The following ZNF711 variants were observed in gnomAD, a reference collection of about 807,000 sequenced individuals.
The protein encoded by ZNF711 is ZFX family zinc finger ZNF711, also known as zinc finger protein 711.
ZNF711 carries 3 observed loss-of-function variants against 43.5 expected under a neutral mutation model. The observed-to-expected ratio is 0.07, with a 90% CI of 0.03 to 0.18. The LOEUF (loss-of-function observed/expected upper bound fraction) is 0.18. Among genes scored for constraint, ZNF711 ranks in the 10% least tolerant of loss-of-function variants. The pLI is 1.00. For synonymous variants in ZNF711, 209 were observed against 207.7 expected (o/e 1.01, Z -0.06); for missense variants, 412 against 604.0 (o/e 0.68, Z 3.33).
At chrX:85,268,405 G>C in intron 9 of ZNF711, 64 bp downstream of exon 9, 7 of 1,133,541 alleles carry the variant, frequency 6.2e-6, no homozygotes, top group Non-Finnish European at 8.4e-6. Flanking sequence ...TTACTGCTTG[G>C]TAAGTAACAA....
At position 85,270,206 on chromosome X, in the gene ZNF711, C is replaced by G. The variant is rs1931458710; in HGVS notation, c.1246+60C>G. On this transcript the variant is annotated intron_variant, in intron 10 of 10. Transcript: ENST00000674551. ...TGAGATGTGGAAGTATTTTTTGTCA[C>G]CAAAGAAAAATATCGATGGTTTACT... 1.1e-5 allele frequency: 12 copies of G among 1,127,362 alleles called. No homozygotes were observed. In the South Asian group the frequency reaches 1.9e-4, roughly 18 times the overall value. The allele number at this position is 1,127,362 out of a possible 1,213,427, so 92.9% of individuals were successfully genotyped here. A position where few individuals can be genotyped will look rare whatever the true frequency, so the allele number is the denominator to read the frequency against.
chrX:85,252,786 G>A (rs1929662653), intron 4 of ZNF711, among the ~76,000 whole-genome samples: 2 of 98,242 alleles, frequency 2.0e-5, no homozygotes, highest in South Asian at 8.9e-4. Flanking sequence ...TTGGGTGAGA[G>A]TTTGAGCGGT....
chrX:85,267,973 T>G (rs929564627), intron 8 of ZNF711, among the ~76,000 whole-genome samples: 1 of 111,645 alleles, frequency 9.0e-6, no homozygotes, highest in African/African-American at 3.3e-5. Flanking sequence ...TAAACTTGGT[T>G]CTTCCAAAGG....
rs1178470769 is a variant in ZNF711, at chrX:85,244,139, GGCGGCGGCA to G, written c.-449_-441del. Reference sequence around the variant, plus strand: ...GCGGCACGGAGGCGGCGGCGGCGGCGGCGGCGGCAGCGGCGGCGGCAGCGGCGGCGGCAG... The same window carrying G: ...GCGGCACGGAGGCGGCGGCGGCGGCGGCGGCGGCGGCAGCGGCGGCGGCAG... On this transcript the variant is annotated 5_prime_UTR_variant, in exon 1 of 11. Transcript: ENST00000674551. 1.4e-4 allele frequency: 19 copies of G among 137,739 alleles called. No individual in the cohort carries two copies. The highest frequency in any genetic ancestry group is 7.8e-4 in the South Asian group (3 of 3,829). The allele number at this position is 137,739 out of a possible 1,213,427, so 11.4% of individuals were successfully genotyped here. A position where few individuals can be genotyped will look rare whatever the true frequency, so the allele number is the denominator to read the frequency against.
intron 9 of ZNF711, among the ~76,000 whole-genome samples, chrX:85,268,685 G>C (rs1418693335): frequency 9.0e-6 from 1 of 111,337 alleles, no homozygotes; most frequent in African/African-American, 3.3e-5. Flanking sequence ...CCTTGTTAAT[G>C]TTCTTTTTGG....
rs769011612 is a variant in ZNF711 at position 85,265,321 on chromosome X, A to C, written c.916+66A>C. ...TCATGCATTATTTTTAAAAAATCTC[A>C]GAGATACAAGCACTGTATAGGAACA... is the stretch of plus-strand genomic sequence containing the variant. On this transcript the variant is annotated intron_variant, in intron 7 of 10. Coordinates refer to ENST00000674551, the MANE Select transcript of ZNF711 (RefSeq NM_001330574.2). The C allele has an allele frequency of 3.5e-5, 38 of 1,093,154 alleles. No homozygotes were observed. In the South Asian group the frequency reaches 6.0e-4, roughly 17 times the overall value. 90.1% of individuals were successfully genotyped at this position (1,093,154 alleles called of 1,213,427 possible). A position where few individuals can be genotyped will look rare whatever the true frequency, so the allele number is the denominator to read the frequency against.
At chrX:85,269,236 G>C (rs1931350384) in intron 9 of ZNF711, among the ~76,000 whole-genome samples, 1 of 110,757 alleles carries the variant, frequency 9.0e-6, no homozygotes, top group Non-Finnish European at 1.9e-5. Context: ...TAACTATAAT[G>C]GTTCAGTAAT....
At position 85,271,113 on chromosome X, in the gene ZNF711, T is replaced by A; in HGVS notation, c.1709T>A (p.Met570Lys). The A allele has an allele frequency of 8.3e-7, 1 of 1,210,612 alleles. No homozygotes were observed. Among genetic ancestry groups the A allele is most frequent in the Non-Finnish European group, 1.1e-6 (1 of 894,866 alleles). Reference protein sequence around the residue: ...FRHPSELKKHMRTHTGEKPYQ... With the variant: ...FRHPSELKKHKRTHTGEKPYQ... The stretch of plus-strand genomic sequence containing the variant: ...CATCCTTCTGAACTCAAGAAACATA[T>A]GAGAACCCATACTGGTGAGAAGCCA... The change falls in exon 11 of 11, where the codon ATG becomes AAG. Residue 570 changes from methionine to lysine, a missense_variant. Around this residue, in one of 4 missense-constraint regions of ZNF711, gnomAD observed 375 missense variants for 514.2 expected, o/e 0.73. Coordinates refer to ENST00000674551, the MANE Select transcript of ZNF711 (RefSeq NM_001330574.2).
Position 85,246,931 on chromosome X carries a change from A to G in ZNF711, c.-284A>G. On this transcript the variant is annotated splice_region_variant and 5_prime_UTR_variant, in exon 3 of 11. Coordinates refer to ENST00000674551, the MANE Select transcript of ZNF711 (RefSeq NM_001330574.2). Reference sequence around the variant, plus strand: ...CGATCTTATTTTTACCATATTTAGGAAGCAGTCATGTTTCATGAGTCCTCA... The same window carrying G: ...CGATCTTATTTTTACCATATTTAGGGAGCAGTCATGTTTCATGAGTCCTCA... 3.4e-6 allele frequency: 1 copy of G among 297,726 alleles called. No homozygotes were observed. Among genetic ancestry groups the G allele is most frequent in the Non-Finnish European group, 5.9e-6 (1 of 170,314 alleles). 24.5% of individuals were successfully genotyped at this position (297,726 alleles called of 1,213,427 possible). A position where few individuals can be genotyped will look rare whatever the true frequency, so the allele number is the denominator to read the frequency against.
intron 5 of ZNF711, among the ~76,000 whole-genome samples, chrX:85,258,334 A>G (rs1930354166): frequency 9.0e-6 from 1 of 110,904 alleles, no homozygotes; most frequent in African/African-American, 3.3e-5. Flanking sequence ...ATGAGGATGC[A>G]AAGCATAAGA....
intron 4 of ZNF711, among the ~76,000 whole-genome samples, chrX:85,252,502 G>A (rs1929632688): frequency 9.0e-6 from 1 of 111,703 alleles, no homozygotes; most frequent in Non-Finnish European, 1.9e-5. Flanking sequence ...TCTTTGGTTT[G>A]TGAAAAGATT....
intron 5 of ZNF711, among the ~76,000 whole-genome samples, chrX:85,258,249 A>T (rs183540095): frequency 6.3e-5 from 7 of 111,678 alleles, no homozygotes; most frequent in Admixed American, 5.7e-4. Flanking sequence ...GGAATTGGAG[A>T]CTGTTATTCT....
intron 4 of ZNF711, among the ~76,000 whole-genome samples, chrX:85,251,331 C>T (rs1021883321): frequency 1.8e-5 from 2 of 111,810 alleles, no homozygotes; most frequent in African/African-American, 3.2e-5. Flanking sequence ...AATAACCTTG[C>T]TGGTGTCTCA....
Position 85,271,429 on chromosome X carries a change from T to C in ZNF711, c.2025T>C (p.His675=), listed in dbSNP as rs1346319015. Residue 675 remains histidine (H), a synonymous_variant, in exon 11 of 11, where the codon CAT becomes CAC. Transcript: ENST00000674551. ...GTGAGGTCTGTGATAAAGGTTTTCA[T>C]CGTCCTTCTGAGCTCAAAAAGCATA... The part of the protein sequence containing the change: ...HKCEVCDKGF[H]RPSELKKHSD... 8.3e-7 allele frequency: 1 copy of C among 1,209,413 alleles called. No individual in the cohort carries two copies. Among genetic ancestry groups the C allele is most frequent in the African/African-American group, 1.8e-5 (1 of 57,119 alleles).
At chrX:85,248,472 CAAAAAAAAA>C (rs1166126484) in intron 4 of ZNF711, among the ~76,000 whole-genome samples, 1 of 19,968 alleles carries the variant, frequency 5.0e-5, no homozygotes, top group East Asian at 1.9e-3. Flanking sequence ...GACTCAGTCT[CAAAAAAAAA>C]AAAAAAAAAA....
rs894924233 is a variant in ZNF711, at chrX:85,271,693, T to C, written c.2289T>C (p.Ser763=). 1.6e-5 allele frequency: 19 copies of C among 1,208,974 alleles called. No individual in the cohort carries two copies. Among genetic ancestry groups the C allele is most frequent in the Non-Finnish European group, 2.0e-5 (18 of 893,374 alleles). ...GTGAATACAGCACTACAGATGCATC[T>C]GGCTTTAAACGACATGTGATATCAA... ...EYCEYSTTDA[S]GFKRHVISIH... The change falls in exon 11 of 11, where the codon TCT becomes TCC. Residue 763 remains serine, a synonymous_variant. Transcript: ENST00000674551.
In ZNF711 at chrX:85,268,296, G is replaced by A; in HGVS notation, c.1057G>A (p.Asp353Asn). Residue 353 changes from aspartate to asparagine, a missense_variant and splice_region_variant, in exon 9 of 11, where the codon GAT becomes AAT. Coordinates refer to ENST00000674551, the MANE Select transcript of ZNF711 (RefSeq NM_001330574.2). ...TTTTTTTTTTTTTTTTTTTTTAGGA[G>A]ATGAAAGAAGAGTTTCCCGAAGGTA... The part of the protein sequence containing the change: ...VPVVWAAAYG[D>N]ERRVSRRYED... The A allele has an allele frequency of 1.1e-6, 1 of 906,950 alleles. No individual in the cohort carries two copies. Among genetic ancestry groups the A allele is most frequent in the Non-Finnish European group, 1.5e-6 (1 of 651,082 alleles). 74.7% of individuals were successfully genotyped at this position (906,950 alleles called of 1,213,427 possible). A position where few individuals can be genotyped will look rare whatever the true frequency, so the allele number is the denominator to read the frequency against.
At position 85,264,974 on chromosome X, in the gene ZNF711, T is replaced by C. The variant is rs767172571; in HGVS notation, c.779-144T>C. 5 of 537,869 alleles carry C rather than the reference T, an allele frequency of 9.3e-6. No individual in the cohort carries two copies. The African/African-American group carries it at 1.2e-4, about 13-fold the overall frequency. The allele number at this position is 537,869 out of a possible 1,213,427, so 44.3% of individuals were successfully genotyped here. A position where few individuals can be genotyped will look rare whatever the true frequency, so the allele number is the denominator to read the frequency against. On this transcript the variant is annotated intron_variant, in intron 6 of 10. Transcript: ENST00000674551. ...TGATAGCTGAAAATTTAAAGTATAA[T>C]TTATATGAAAATGTTCTTGGCACTT...
chrX:85,257,515 C>T (rs73627344), intron 5 of ZNF711, among the ~76,000 whole-genome samples: 2,176 of 112,161 alleles, frequency 0.019, 46 homozygotes, highest in African/African-American at 0.067. Flanking sequence ...TCTTTTCTTA[C>T]GGCTGTGTAG....
Sources: gnomAD v4.1 joint callset for allele counts (sites outside exome capture counted in the v4.1 genomes callset) on GRCh38, gnomAD v4.1.1 for gene constraint, gnomAD v4.1.1 regional missense constraint, MANE v1.5 for transcripts, NCBI Gene and HGNC (gene_info 2026-07-23, HGNC 2026-07-21) for gene names.